ZFAT: variants seen among roughly 807,000 people sequenced by gnomAD.
The protein encoded by ZFAT is zinc finger protein ZFAT.
ZFAT carries 64 observed loss-of-function variants against 117.7 expected under a neutral mutation model. The observed-to-expected ratio is 0.54, with a 90% confidence interval of 0.44 to 0.67. The LOEUF (loss-of-function observed/expected upper bound fraction) is 0.67, where lower values mean the gene tolerates loss of function less well. ZFAT is among the 30% of genes least tolerant of loss of function. The probability of loss-of-function intolerance (pLI) is 0.00; values close to 1 mark genes in which losing one functional copy is unlikely to be tolerated. For missense variants in ZFAT, 1,433 were observed against 1,584.5 expected, an observed-to-expected ratio of 0.90 and a Z score of 1.62; for synonymous variants, 679 against 615.0, an observed-to-expected ratio of 1.10 and a Z score of -1.54.
chr8:134,691,058 C>T (rs935273940), intron 1 of ZFAT, among the ~76,000 whole-genome samples: 1 of 152,156 alleles, frequency 6.6e-6, no homozygotes, highest in African/African-American at 2.4e-5. Context: ...CCAAGTCCAG[C>T]TTCCCAGCCT....
At position 134,477,995 on chromosome 8, in the gene ZFAT, A is replaced by G. The variant is rs1266965069; in HGVS notation, c.*487T>C. ...TCGACAAAGCCAGGACAATCCCCCT[A>G]CCCCCACCCCACCCAGCAGTGATTA... On this transcript the variant is annotated 3_prime_UTR_variant, in exon 16 of 16. Transcript: ENST00000377838. 1 of 158,988 alleles carries G rather than the reference A, an allele frequency of 6.3e-6. No individual in the cohort carries two copies. Among genetic ancestry groups the G allele is most frequent in the Non-Finnish European group, 1.4e-5 (1 of 71,796 alleles). 9.8% of individuals were successfully genotyped at this position (158,988 alleles called of 1,614,324 possible).
chr8:134,739,223 C>A, the ZFAT span, among the ~76,000 whole-genome samples: 1 of 152,078 alleles, frequency 6.6e-6, no homozygotes, highest in Non-Finnish European at 1.5e-5. Flanking sequence ...ACCTTGCCAC[C>A]AGCCCAAAAG....
rs1490739963 is a variant in ZFAT at position 134,602,294 on chromosome 8, G to A, written c.1425C>T (p.Thr475=). The A allele has an allele frequency of 6.2e-7, 1 of 1,613,836 alleles. No individual in the cohort carries two copies. Among genetic ancestry groups the A allele is most frequent in the Non-Finnish European group, 8.5e-7 (1 of 1,180,050 alleles). The change falls in exon 6 of 16, where the codon ACC becomes ACT. Residue 475 remains threonine, a synonymous_variant. Transcript: ENST00000377838. ...KKFVSSIRLR[T]HIKEVHGAAQ... is the part of the protein sequence containing the mutation. Reference sequence around the variant, plus strand: ...CAGCCCCGTGCACCTCTTTGATGTGGGTGCGCAGCCTGATGGAGCTGACGA... The same window carrying A: ...CAGCCCCGTGCACCTCTTTGATGTGAGTGCGCAGCCTGATGGAGCTGACGA...
chr8:134,818,256 A>G, the ZFAT span, among the ~76,000 whole-genome samples: 1 of 152,224 alleles, frequency 6.6e-6, no homozygotes. Flanking sequence ...GGATTTATAC[A>G]TAAGAACCCT....
intron 2 of ZFAT, among the ~76,000 whole-genome samples, chr8:134,646,977 G>C (rs894873428): frequency 3.9e-5 from 6 of 152,106 alleles, no homozygotes; most frequent in Non-Finnish European, 5.9e-5. Flanking sequence ...ATTTAAAAAG[G>C]AATTAATTCC....
At chr8:134,809,854 T>C in the ZFAT span, among the ~76,000 whole-genome samples, 551 of 152,292 alleles carry the variant, frequency 3.6e-3, 8 homozygotes, top group African/African-American at 0.013. Flanking sequence ...AAACCGACAG[T>C]GAGTTGAATA....
chr8:134,743,429 C>A, the ZFAT span, among the ~76,000 whole-genome samples: 1 of 151,946 alleles, frequency 6.6e-6, no homozygotes, highest in Non-Finnish European at 1.5e-5. Context: ...GTGGAGTTTG[C>A]AGTGAGCTGA....
the ZFAT span, among the ~76,000 whole-genome samples, chr8:134,769,794 A>G: frequency 6.6e-6 from 1 of 152,160 alleles, no homozygotes; most frequent in Admixed American, 6.5e-5. Flanking sequence ...ATTTCCATAC[A>G]TATTCTGAAA....
chr8:134,693,093 T>G (rs1047074547), intron 1 of ZFAT, among the ~76,000 whole-genome samples: 1 of 152,254 alleles, frequency 6.6e-6, no homozygotes, highest in Non-Finnish European at 1.5e-5. Flanking sequence ...TACATACTTC[T>G]GTTTCCTAGC....
rs571536082 is a variant in ZFAT, at chr8:134,597,344, C to T, written c.2475+3092G>A. On this transcript the variant is annotated intron_variant, in intron 7 of 15. Transcript: ENST00000377838. The stretch of plus-strand genomic sequence containing the variant: ...TTACTATGTTGGCAATATGGTCCAC[C>T]TGCTTCATGGAAAATGTTCAGTAAT... 3.3e-5 allele frequency among the ~76,000 whole-genome samples: 5 copies of T among 152,318 alleles called. No homozygotes were observed. In the East Asian group the frequency reaches 9.7e-4, roughly 29 times the overall value.
intron 1 of ZFAT, among the ~76,000 whole-genome samples, chr8:134,667,156 G>A (rs1254457821): frequency 1.3e-5 from 2 of 152,184 alleles, no homozygotes; most frequent in Non-Finnish European, 2.9e-5. Flanking sequence ...AAAGGGAAAG[G>A]AGAGCATTAG....
chr8:134,687,288 C>T (rs1419749770), intron 1 of ZFAT, among the ~76,000 whole-genome samples: 1 of 152,188 alleles, frequency 6.6e-6, no homozygotes, highest in Non-Finnish European at 1.5e-5. Flanking sequence ...AGAGAGAAAT[C>T]CCGTGGGTGT....
chr8:134,508,803 T>C (rs926529884), intron 15 of ZFAT, among the ~76,000 whole-genome samples: 3 of 152,254 alleles, frequency 2.0e-5, no homozygotes, highest in Non-Finnish European at 2.9e-5. Flanking sequence ...AATGAATCAA[T>C]ACAGGACTGG....
chr8:134,644,235 C>G lies in ZFAT; in HGVS notation c.197-6523G>C, dbSNP rs529399555. On this transcript the variant is annotated intron_variant, in intron 2 of 15. Coordinates refer to ENST00000377838, the MANE Select transcript of ZFAT (RefSeq NM_020863.4). Reference sequence around the variant, plus strand: ...ACCCAGACATACAGCAGGCACCCAACAAACAGTTAATGACTAAAGAGATGG... The same window carrying G: ...ACCCAGACATACAGCAGGCACCCAAGAAACAGTTAATGACTAAAGAGATGG... Among the ~76,000 whole-genome samples the G allele has an allele frequency of 2.3e-3, 352 of 152,120 alleles. 1 individual carries two copies. The highest frequency in any genetic ancestry group is 8.2e-3 in the African/African-American group (340 of 41,462).
the ZFAT span, among the ~76,000 whole-genome samples, chr8:134,776,803 A>G: frequency 6.6e-6 from 1 of 152,210 alleles, no homozygotes; most frequent in Non-Finnish European, 1.5e-5. Context: ...GTGTTTTCCC[A>G]CACCCATTTG....
At chr8:134,636,503 G>A (rs573816266) in intron 3 of ZFAT, among the ~76,000 whole-genome samples, 20 of 152,238 alleles carry the variant, frequency 1.3e-4, no homozygotes, top group East Asian at 3.9e-4. Context: ...CCAATTTTAC[G>A]GATGAGGAAA....
intron 1 of ZFAT, among the ~76,000 whole-genome samples, chr8:134,707,233 T>C (rs1834174594): frequency 6.6e-6 from 1 of 152,024 alleles, no homozygotes; most frequent in African/African-American, 2.4e-5. Flanking sequence ...ATGCACCCCC[T>C]CTGAAACCCT....
the ZFAT span, among the ~76,000 whole-genome samples, chr8:134,772,771 C>T: frequency 6.6e-6 from 1 of 152,086 alleles, no homozygotes; most frequent in African/African-American, 2.4e-5. Context: ...GGCTTCAAAG[C>T]TTCAAAGGGG....
chr8:134,512,614 A>G lies in ZFAT; in HGVS notation c.3235-13T>C, dbSNP rs1819942679. 2 of 1,611,780 alleles carry G rather than the reference A, an allele frequency of 1.2e-6. No individual in the cohort carries two copies. The highest frequency in any genetic ancestry group is 8.5e-7 in the Non-Finnish European group (1 of 1,179,314). Reference sequence around the variant, plus strand: ...CTTCTGTTGCTGTCTAAATAAAAACATAGTACCTAAGTCATCTCCTAAAAG... The same window carrying G: ...CTTCTGTTGCTGTCTAAATAAAAACGTAGTACCTAAGTCATCTCCTAAAAG... On this transcript the variant is annotated splice_polypyrimidine_tract_variant and intron_variant, in intron 13 of 15. Coordinates refer to ENST00000377838, the MANE Select transcript of ZFAT (RefSeq NM_020863.4).
Sources: allele counts gnomAD v4.1 joint callset (sites outside exome capture counted in the v4.1 genomes callset), GRCh38; gene constraint gnomAD v4.1.1; transcripts MANE v1.5; gene names NCBI Gene and HGNC (gene_info 2026-07-23, HGNC 2026-07-21).